COQ3: variants seen among roughly 807,000 people sequenced by gnomAD.
The protein encoded by COQ3 is ubiquinone biosynthesis O-methyltransferase, mitochondrial.
COQ3 carries 29 observed loss-of-function variants against 33.1 expected under a neutral mutation model. The ratio of observed to expected loss-of-function variants is 0.88; its 90% CI spans 0.65 to 1.19. COQ3 has a LOEUF of 1.19. COQ3 is among the 50% of genes most tolerant of loss of function. The pLI is 0.00. For missense variants in COQ3, 437 were observed against 430.7 expected, an observed-to-expected ratio of 1.01 and a Z score of -0.13; for synonymous variants, 173 against 157.8, an observed-to-expected ratio of 1.10 and a Z score of -0.72.
intron 2 of COQ3, among the ~76,000 whole-genome samples, chr6:99,382,680 G>A (rs148426989): frequency 2.6e-5 from 4 of 152,274 alleles, no homozygotes; most frequent in African/African-American, 4.8e-5. Flanking sequence ...AAGGCTGGGC[G>A]CGGTGGCTCA....
At chr6:99,372,016 T>C (rs1456299984) in intron 5 of COQ3, among the ~76,000 whole-genome samples, 1 of 152,240 alleles carries the variant, frequency 6.6e-6, no homozygotes, top group Admixed American at 6.5e-5. Flanking sequence ...GCTATACATC[T>C]TGTGCAGGGA....
chr6:99,379,211 T>G (rs1774398134), intron 3 of COQ3, among the ~76,000 whole-genome samples: 1 of 152,090 alleles, frequency 6.6e-6, no homozygotes, highest in Admixed American at 6.6e-5. Context: ...ATTACTTACC[T>G]AGAAATACGT....
rs57039767 is a variant in COQ3, at chr6:99,378,105, CATATATATATATATATATATATATATAT to C, written c.387-648_387-621del. Among the ~76,000 whole-genome samples the C allele has an allele frequency of 1.4e-4, 11 of 77,582 alleles. 1 individual carries two copies. Among genetic ancestry groups the C allele is most frequent in the African/African-American group, 7.0e-4 (11 of 15,816 alleles). 50.9% of individuals were successfully genotyped at this position (77,582 alleles called of 152,430 possible). On this transcript the variant is annotated intron_variant, in intron 3 of 6. Transcript: ENST00000254759. ...ACACCTAACAGTATTGTAAACTAAA[CATATATATATATATATATATATATATAT>C]ATATATATATATATATATATATATT... is the stretch of plus-strand genomic sequence containing the variant.
At chr6:99,392,451 A>G (rs559617670) in intron 1 of COQ3, among the ~76,000 whole-genome samples, 3 of 152,230 alleles carry the variant, frequency 2.0e-5, no homozygotes, top group Admixed American at 2.0e-4. Flanking sequence ...CTACCTCAGG[A>G]GGTGTAAATG....
At chr6:99,380,718 C>T (rs1438076099) in intron 2 of COQ3, among the ~76,000 whole-genome samples, 3 of 152,030 alleles carry the variant, frequency 2.0e-5, no homozygotes, top group South Asian at 2.1e-4. Context: ...ACCAGCCTGA[C>T]CAACTTAGTG....
At chr6:99,381,014 C>G (rs891008139) in intron 2 of COQ3, among the ~76,000 whole-genome samples, 2 of 152,172 alleles carry the variant, frequency 1.3e-5, no homozygotes, top group Non-Finnish European at 2.9e-5. Flanking sequence ...ATCCTTCCAA[C>G]AACTCTGCAA....
intron 3 of COQ3, among the ~76,000 whole-genome samples, chr6:99,379,298 ATCACGTTAAGTGAGAATTC>A (rs1188416980): frequency 6.6e-5 from 10 of 152,236 alleles, no homozygotes; most frequent in African/African-American, 1.2e-4. Context: ...TTTCTAATTC[ATCACGTTAAGTGAGAATTC>A]TCACGTTAAG....
intron 1 of COQ3, among the ~76,000 whole-genome samples, 164 bp downstream of exon 1, chr6:99,393,910 C>A (rs1774898429): frequency 1.3e-5 from 2 of 152,192 alleles, no homozygotes; most frequent in Non-Finnish European, 2.9e-5. Context: ...CGGGACTATG[C>A]GAGGTTTACA....
intron 1 of COQ3, among the ~76,000 whole-genome samples, chr6:99,388,324 C>T (rs1441410284): frequency 1.3e-5 from 2 of 152,080 alleles, no homozygotes; most frequent in Non-Finnish European, 2.9e-5. Flanking sequence ...CAAAAAAATT[C>T]ATTGTTGCAT....
chr6:99,371,422 A>T lies in COQ3; in HGVS notation c.889+6T>A. ...GAAAATTGGAAAAAATTCTCTTAAT[A>T]CTTACTTGATTCCAGAATGCTCTCT... On this transcript the variant is annotated splice_donor_region_variant and intron_variant, in intron 6 of 6. Coordinates refer to ENST00000254759, the MANE Select transcript of COQ3 (RefSeq NM_017421.4). 1 of 1,574,504 alleles carries T rather than the reference A, an allele frequency of 6.4e-7. No individual in the cohort carries two copies. Among genetic ancestry groups the T allele is most frequent in the Non-Finnish European group, 8.6e-7 (1 of 1,166,824 alleles).
chr6:99,376,517 C>A (rs942951558), intron 4 of COQ3, among the ~76,000 whole-genome samples: 3 of 152,188 alleles, frequency 2.0e-5, no homozygotes. Context: ...ATAAATGTAA[C>A]AAGCCATTGA....
At chr6:99,373,885 C>T (rs1352725592) in intron 5 of COQ3, among the ~76,000 whole-genome samples, 1 of 151,716 alleles carries the variant, frequency 6.6e-6, no homozygotes, top group East Asian at 1.9e-4. Context: ...TGGCATGCAC[C>T]TGTGGTCCCA....
In COQ3 at chr6:99,369,701, C is replaced by T. The variant is rs1774070170; in HGVS notation, c.1009G>A (p.Glu337Lys). The T allele has an allele frequency of 1.2e-6, 2 of 1,613,780 alleles. No individual in the cohort carries two copies. The highest frequency in any genetic ancestry group is 2.7e-5 in the African/African-American group (2 of 74,850). ...ACAAACTCAGCAGAGGCTGGGTGTT[C>T]CTGGACCCTGGATTTCACAGCATAA... ...AAYAVKSRVQ[E>K]HPASAEFVLK... Residue 337 changes from glutamate (E) to lysine (K), a missense_variant, in exon 7 of 7, where the codon GAA becomes AAA. Glu to Lys is a moderately conservative substitution (Grantham distance 56, BLOSUM62 1). Transcript: ENST00000254759.
intron 3 of COQ3, among the ~76,000 whole-genome samples, chr6:99,379,610 T>C (rs1774409607): frequency 6.6e-6 from 1 of 152,128 alleles, no homozygotes; most frequent in Admixed American, 6.5e-5. Flanking sequence ...ATCCCAGCAC[T>C]TGGAGAGGCT....
Position 99,394,071 on chromosome 6 carries a change from C to T in COQ3, c.106+3G>A. 6.2e-7 allele frequency: 1 copy of T among 1,612,524 alleles called. No individual in the cohort carries two copies. Among genetic ancestry groups the T allele is most frequent in the Non-Finnish European group, 8.5e-7 (1 of 1,178,552 alleles). On this transcript the variant is annotated splice_donor_region_variant and intron_variant, in intron 1 of 6. Coordinates refer to ENST00000254759, the MANE Select transcript of COQ3 (RefSeq NM_017421.4). Reference sequence around the variant, plus strand: ...TGCGAAGGACCTCCGCACACACACTCACCCGCCGAGGAAATTAAGGGACGC... The same window carrying T: ...TGCGAAGGACCTCCGCACACACACTTACCCGCCGAGGAAATTAAGGGACGC...
chr6:99,383,616 C>A (rs1774532431), intron 2 of COQ3, 82 bp downstream of exon 2: 2 of 1,077,876 alleles, frequency 1.9e-6, no homozygotes, highest in East Asian at 5.2e-5. Flanking sequence ...CTATTACATA[C>A]TGACTGGGTT....
At chr6:99,377,321 G>T in intron 4 of COQ3, 65 bp downstream of exon 4, 1 of 1,157,100 alleles carries the variant, frequency 8.6e-7, no homozygotes, top group Non-Finnish European at 1.3e-6. Context: ...AAGAATAAAT[G>T]AGGCACAAGT....
intron 5 of COQ3, 82 bp from the exon 6 acceptor site, chr6:99,371,669 C>T: frequency 1.2e-6 from 1 of 867,366 alleles, no homozygotes; most frequent in East Asian, 2.7e-5. Context: ...CCCCTCCCTC[C>T]TCCTTTCTTC....
chr6:99,378,607 T>A (rs1318086562), intron 3 of COQ3, among the ~76,000 whole-genome samples: 1 of 152,134 alleles, frequency 6.6e-6, no homozygotes, highest in Non-Finnish European at 1.5e-5. Context: ...TGCTGACCCC[T>A]CCCCAGAGCA....
Sources: allele counts gnomAD v4.1 joint callset (sites outside exome capture counted in the v4.1 genomes callset), GRCh38; gene constraint gnomAD v4.1.1; transcripts MANE v1.5; gene names NCBI Gene and HGNC (gene_info 2026-07-23, HGNC 2026-07-21).